The following PBX3 variants were observed in gnomAD, a reference collection of about 807,000 sequenced individuals.
PBX3 encodes the protein pre-B-cell leukemia transcription factor 3.
A neutral mutation model predicts 48.5 loss-of-function variants in PBX3; 14 were observed. The observed-to-expected ratio is 0.29, with a 90% CI of 0.19 to 0.45. The LOEUF (loss-of-function observed/expected upper bound fraction) is 0.45, where lower values mean the gene tolerates loss of function less well. PBX3 is among the 20% of genes least tolerant of loss of function. The pLI is 1.00. For synonymous variants in PBX3, 210 were observed against 200.3 expected (o/e 1.05, Z -0.41); for missense variants, 386 against 546.7 (o/e 0.71, Z 2.93).
intron 2 of PBX3, among the ~76,000 whole-genome samples, chr9:125,853,922 A>G (rs1564140217): frequency 1.3e-5 from 2 of 152,172 alleles, no homozygotes. Flanking sequence ...ATGAGTTAAT[A>G]AATGGACACT....
rs528736544 is a variant in PBX3, at chr9:125,801,218, A to G, written c.274+52595A>G. Reference sequence around the variant, plus strand: ...TAATATGAACAATGAAATACCTTGCATATCCTTTTGATTTTGAAGTACTTC... The same window carrying G: ...TAATATGAACAATGAAATACCTTGCGTATCCTTTTGATTTTGAAGTACTTC... On this transcript the variant is annotated intron_variant, in intron 2 of 8. Transcript: ENST00000373489. Among the ~76,000 whole-genome samples the G allele has an allele frequency of 5.2e-4, 79 of 152,342 alleles. 1 individual carries two copies. In the South Asian group the frequency reaches 9.7e-3, roughly 19 times the overall value.
chr9:125,773,128 G>A (rs1031455632), intron 2 of PBX3, among the ~76,000 whole-genome samples: 17 of 152,048 alleles, frequency 1.1e-4, no homozygotes, highest in African/African-American at 3.9e-4. Flanking sequence ...TTTTTATATA[G>A]TTCACTTTGG....
chr9:125,875,315 A>G (rs1442479980), intron 2 of PBX3, among the ~76,000 whole-genome samples: 1 of 152,174 alleles, frequency 6.6e-6, no homozygotes, highest in African/African-American at 2.4e-5. Flanking sequence ...TAATGTAAGC[A>G]CTTTCCATGT....
chr9:125,816,504 A>G (rs745660119), intron 2 of PBX3, among the ~76,000 whole-genome samples: 2 of 152,220 alleles, frequency 1.3e-5, no homozygotes, highest in Non-Finnish European at 2.9e-5. Flanking sequence ...CTTAATCTTC[A>G]TAACAACCTT....
intron 2 of PBX3, among the ~76,000 whole-genome samples, chr9:125,769,709 G>T (rs1836892751): frequency 6.6e-6 from 1 of 152,188 alleles, no homozygotes; most frequent in African/African-American, 2.4e-5. Context: ...GGGAAAAAAA[G>T]GATAGATCAA....
intron 2 of PBX3, among the ~76,000 whole-genome samples, chr9:125,866,895 A>C (rs10819081): frequency 0.58 from 87,763 of 151,936 alleles, 26,340 homozygotes; most frequent in East Asian, 0.76. Flanking sequence ...TTGATTAGGC[A>C]ACTAAATTTT....
intron 2 of PBX3, among the ~76,000 whole-genome samples, chr9:125,868,923 A>G (rs906953984): frequency 6.6e-6 from 1 of 152,178 alleles, no homozygotes; most frequent in Non-Finnish European, 1.5e-5. Context: ...TGAGGGCCAC[A>G]GGCTCACAAT....
intron 2 of PBX3, among the ~76,000 whole-genome samples, chr9:125,907,786 G>A (rs1336351942): frequency 6.6e-6 from 1 of 152,034 alleles, no homozygotes; most frequent in Non-Finnish European, 1.5e-5. Context: ...AGGTGTAGTG[G>A]AATTAATCCT....
intron 2 of PBX3, among the ~76,000 whole-genome samples, chr9:125,807,845 C>T (rs1838172601): frequency 6.6e-6 from 1 of 152,066 alleles, no homozygotes. Flanking sequence ...GTTTCCTGGG[C>T]AGGATATATC....
intron 2 of PBX3, among the ~76,000 whole-genome samples, chr9:125,904,681 T>TA (rs905533021): frequency 6.6e-6 from 1 of 151,848 alleles, no homozygotes; most frequent in African/African-American, 2.4e-5. Context: ...AGAGGAATAT[T>TA]AGGGGCAGAG....
At chr9:125,871,483 G>A (rs1840124416) in intron 2 of PBX3, among the ~76,000 whole-genome samples, 2 of 152,030 alleles carry the variant, frequency 1.3e-5, no homozygotes, top group South Asian at 4.1e-4. Context: ...GCAATGAGTA[G>A]GAATGAACTC....
chr9:125,753,011 C>T (rs967724804), intron 2 of PBX3, among the ~76,000 whole-genome samples: 1 of 152,242 alleles, frequency 6.6e-6, no homozygotes, highest in East Asian at 1.9e-4. Flanking sequence ...AGCAGAGACT[C>T]TTGAACCTCC....
At chr9:125,916,270 T>G (rs1251496150) in intron 3 of PBX3, among the ~76,000 whole-genome samples, 1 of 152,206 alleles carries the variant, frequency 6.6e-6, no homozygotes, top group Non-Finnish European at 1.5e-5. Context: ...TGCACTAGCC[T>G]TGTTCATAAG....
chr9:125,835,036 AAAAAAAAAAAAAAAAG>A (rs1839086836), intron 2 of PBX3, among the ~76,000 whole-genome samples: 2 of 148,240 alleles, frequency 1.3e-5, no homozygotes, highest in Non-Finnish European at 3.0e-5. Flanking sequence ...AAAAAAAAAA[AAAAAAAAAAAAAAAAG>A]GGCAAAAGAT....
At chr9:125,914,839 G>C (rs767877639) in intron 2 of PBX3, among the ~76,000 whole-genome samples, 8 of 152,172 alleles carry the variant, frequency 5.3e-5, no homozygotes, top group Non-Finnish European at 1.2e-4. Context: ...TTTGTCTTCT[G>C]TGTTGTTGAA....
intron 5 of PBX3, among the ~76,000 whole-genome samples, chr9:125,953,947 G>GGTT (rs1842248651): frequency 6.6e-6 from 1 of 152,210 alleles, no homozygotes; most frequent in Admixed American, 6.5e-5. Context: ...ACGGTTTCAT[G>GGTT]GTTTTCACTG....
At chr9:125,817,909 T>TG (rs1327385344) in intron 2 of PBX3, among the ~76,000 whole-genome samples, 1 of 152,182 alleles carries the variant, frequency 6.6e-6, no homozygotes, top group Non-Finnish European at 1.5e-5. Context: ...ATATTATAAA[T>TG]GGTGTAGTAT....
intron 2 of PBX3, among the ~76,000 whole-genome samples, chr9:125,845,895 A>G (rs1320385982): frequency 1.3e-5 from 2 of 152,164 alleles, no homozygotes; most frequent in Non-Finnish European, 2.9e-5. Flanking sequence ...CAGATATTCT[A>G]TATGGTATGA....
intron 2 of PBX3, chr9:125,844,942 A>T (rs905540622): frequency 6.6e-6 from 1 of 152,150 alleles, no homozygotes; most frequent in Non-Finnish European, 1.5e-5. Context: ...ACCGTCCTGG[A>T]TCACTGGCTA....
Sources: gnomAD v4.1 joint callset for allele counts (sites outside exome capture counted in the v4.1 genomes callset) on GRCh38, gnomAD v4.1.1 for gene constraint, MANE v1.5 for transcripts, NCBI Gene and HGNC (gene_info 2026-07-23, HGNC 2026-07-21) for gene names.